LUZP2: variants seen among roughly 807,000 people sequenced by gnomAD.
LUZP2 encodes the protein leucine zipper protein 2.
In LUZP2, 52 loss-of-function variants were observed where a neutral mutation model predicts 51.6. That is an observed-to-expected ratio of 1.01 (90% CI 0.81 to 1.27). The LOEUF (loss-of-function observed/expected upper bound fraction) is 1.27. Ranked by LOEUF, LUZP2 falls within the 50% of genes most tolerant of loss-of-function variation. LUZP2 has a pLI of 0.00. For missense variants in LUZP2, 436 were observed against 395.4 expected, an observed-to-expected ratio of 1.10 and a Z score of -0.87; for synonymous variants, 154 against 137.3, an observed-to-expected ratio of 1.12 and a Z score of -0.85.
Position 25,005,928 on chromosome 11 carries a change from G to A in LUZP2, c.765+22635G>A, listed in dbSNP as rs148177287. The stretch of plus-strand genomic sequence containing the variant: ...GATCTTACCCCTGTCCTATAAAGAT[G>A]TTATGCCCCAAAAATGAAGTGGAGG... On this transcript the variant is annotated intron_variant, in intron 9 of 11. Coordinates refer to ENST00000336930, the MANE Select transcript of LUZP2 (RefSeq NM_001009909.4). 2.0e-3 allele frequency among the ~76,000 whole-genome samples: 303 copies of A among 152,210 alleles called. 3 individuals are homozygous for A. The highest frequency in any genetic ancestry group is 7.0e-3 in the African/African-American group (292 of 41,560).
At chr11:24,992,684 C>A (rs1198057624) in intron 9 of LUZP2, among the ~76,000 whole-genome samples, 1 of 152,044 alleles carries the variant, frequency 6.6e-6, no homozygotes, top group Non-Finnish European at 1.5e-5. Flanking sequence ...GACTGAAATA[C>A]AAATATTTAT....
intron 1 of LUZP2, among the ~76,000 whole-genome samples, chr11:24,717,158 G>C (rs1287984966): frequency 2.0e-5 from 3 of 151,068 alleles, no homozygotes; most frequent in Non-Finnish European, 4.4e-5. Flanking sequence ...AAACAGAGTA[G>C]GTAAAGGAAT....
At chr11:25,021,707 G>A (rs1857339147) in intron 9 of LUZP2, among the ~76,000 whole-genome samples, 1 of 152,016 alleles carries the variant, frequency 6.6e-6, no homozygotes, top group African/African-American at 2.4e-5. Context: ...AGGATAGGAA[G>A]AGTATCATGA....
chr11:24,911,725 CATA>C lies in LUZP2; in HGVS notation c.460-2746_460-2744del, dbSNP rs371911327. On this transcript the variant is annotated intron_variant, in intron 6 of 11. Transcript: ENST00000336930. ...CAGACTAATACAGAGAGTAAATTAA[CATA>C]ATAAGACATAGATGCTGTACTTGAA... Among the ~76,000 whole-genome samples, 1,460 of 152,252 alleles carry C rather than the reference CATA, an allele frequency of 9.6e-3. 18 individuals carry two copies. The highest frequency in any genetic ancestry group is 0.044 in the South Asian group (211 of 4,826).
At chr11:24,770,241 G>C (rs1860357603) in intron 5 of LUZP2, among the ~76,000 whole-genome samples, 1 of 152,070 alleles carries the variant, frequency 6.6e-6, no homozygotes, top group Non-Finnish European at 1.5e-5. Context: ...GAAAGGCTTG[G>C]GAATGAGTGG....
chr11:24,728,763 A>C (rs971360028), intron 1 of LUZP2, among the ~76,000 whole-genome samples: 3 of 151,924 alleles, frequency 2.0e-5, no homozygotes. Flanking sequence ...TATTTTCTTT[A>C]GTGTCTGTAT....
At chr11:24,728,566 G>C (rs1170021571) in intron 1 of LUZP2, among the ~76,000 whole-genome samples, 1 of 151,664 alleles carries the variant, frequency 6.6e-6, no homozygotes, top group Non-Finnish European at 1.5e-5. Context: ...ATCTGATCTT[G>C]CCATTTACTG....
chr11:25,047,245 T>C lies in LUZP2; in HGVS notation c.766-2793T>C, dbSNP rs1440587979. ...CTCAAAGCATCTGCAAGTTTGTGGT[T>C]ATGGGAAGACAGGTGGTGGATGTTC... On this transcript the variant is annotated intron_variant, in intron 9 of 11. Transcript: ENST00000336930. 2.0e-5 allele frequency among the ~76,000 whole-genome samples: 3 copies of C among 152,248 alleles called. No homozygotes were observed. In the East Asian group the frequency reaches 5.8e-4, roughly 29 times the overall value.
chr11:24,910,917 G>T (rs1853612323), intron 6 of LUZP2, among the ~76,000 whole-genome samples: 1 of 152,148 alleles, frequency 6.6e-6, no homozygotes, highest in Non-Finnish European at 1.5e-5. Flanking sequence ...CATGAAAGCA[G>T]CCAGGAGGGG....
rs570863495 is a variant in LUZP2 at position 24,778,755 on chromosome 11, C to T, written c.396+15447C>T. On this transcript the variant is annotated intron_variant, in intron 5 of 11. Coordinates refer to ENST00000336930, the MANE Select transcript of LUZP2 (RefSeq NM_001009909.4). ...AGCATTTAAGACTTATTTGCTGCAT[C>T]ATCTGGGAAAAGTCAAAACTTTTGT... Among the ~76,000 whole-genome samples, 8 of 152,288 alleles carry T rather than the reference C, an allele frequency of 5.3e-5. No individual in the cohort carries two copies. The East Asian group carries it at 1.5e-3, about 29-fold the overall frequency.
intron 7 of LUZP2, among the ~76,000 whole-genome samples, chr11:24,928,012 A>T (rs914675885): frequency 6.6e-6 from 1 of 151,868 alleles, no homozygotes; most frequent in African/African-American, 2.4e-5. Context: ...GTAAAAAAAA[A>T]GTTGAGTTCT....
intron 10 of LUZP2, among the ~76,000 whole-genome samples, chr11:25,053,986 A>G (rs148582270): frequency 6.6e-6 from 1 of 152,266 alleles, no homozygotes; most frequent in East Asian, 1.9e-4. Flanking sequence ...ACCTTACCTT[A>G]AACTAAGCCT....
At chr11:24,903,229 C>G (rs1260470298) in intron 5 of LUZP2, among the ~76,000 whole-genome samples, 4 of 152,068 alleles carry the variant, frequency 2.6e-5, no homozygotes, top group Non-Finnish European at 5.9e-5. Context: ...ATATCAGATT[C>G]TTTTTAAAAA....
At chr11:24,742,787 G>A (rs1384429429) in intron 4 of LUZP2, among the ~76,000 whole-genome samples, 1 of 152,002 alleles carries the variant, frequency 6.6e-6, no homozygotes, top group Non-Finnish European at 1.5e-5. Flanking sequence ...TGTCAAGAAC[G>A]GTTTTTCCAA....
chr11:24,904,863 A>C (rs1853399351), intron 5 of LUZP2, among the ~76,000 whole-genome samples: 1 of 152,196 alleles, frequency 6.6e-6, no homozygotes, highest in Admixed American at 6.5e-5. Context: ...TGCTGCTTAT[A>C]AGAAACTTGT....
intron 5 of LUZP2, among the ~76,000 whole-genome samples, chr11:24,822,517 T>C (rs1850390865): frequency 2.6e-5 from 4 of 152,044 alleles, no homozygotes; most frequent in Admixed American, 2.6e-4. Flanking sequence ...TAGCTTTTAG[T>C]TTTTTTTATA....
At chr11:24,898,942 A>G (rs1039218138) in intron 5 of LUZP2, among the ~76,000 whole-genome samples, 3 of 151,644 alleles carry the variant, frequency 2.0e-5, no homozygotes, top group African/African-American at 7.3e-5. Flanking sequence ...GACAGAATAC[A>G]AACAAACAAA....
At chr11:24,991,396 G>GTGTGTGTA (rs1398115496) in intron 9 of LUZP2, among the ~76,000 whole-genome samples, 1 of 124,964 alleles carries the variant, frequency 8.0e-6, no homozygotes, top group African/African-American at 2.8e-5. Flanking sequence ...GTGTGTGTGT[G>GTGTGTGTA]TATATATATA....
At chr11:25,004,894 C>T (rs1026008523) in intron 9 of LUZP2, among the ~76,000 whole-genome samples, 5 of 152,138 alleles carry the variant, frequency 3.3e-5, no homozygotes, top group South Asian at 2.1e-4. Flanking sequence ...CAGGTATCTC[C>T]AAACTCTCAG....
Sources: gnomAD v4.1 joint callset for allele counts (sites outside exome capture counted in the v4.1 genomes callset) on GRCh38, gnomAD v4.1.1 for gene constraint, MANE v1.5 for transcripts, NCBI Gene and HGNC (gene_info 2026-07-23, HGNC 2026-07-21) for gene names.